Variants in EPS8 observed in about 807,000 individuals in gnomAD.
EPS8 encodes EGFR pathway substrate 8, signaling adaptor.
In EPS8, 42 loss-of-function variants were observed where a neutral mutation model predicts 103.8. The ratio of observed to expected loss-of-function variants is 0.40; its 90% CI spans 0.32 to 0.52. The LOEUF is 0.52. Ranked by LOEUF, EPS8 falls within the 20% of genes least tolerant of loss-of-function variation. The probability of loss-of-function intolerance (pLI) is 0.40; values close to 1 mark genes in which losing one functional copy is unlikely to be tolerated. For synonymous variants in EPS8, 344 were observed against 344.6 expected (o/e 1.00, Z 0.02); for missense variants, 969 against 1,005.1 (o/e 0.96, Z 0.49).
chr12:15,742,092 T>C (rs1370641820), intron 1 of EPS8, among the ~76,000 whole-genome samples: 1 of 152,238 alleles, frequency 6.6e-6, no homozygotes, highest in East Asian at 1.9e-4. Context: ...ATGTGCCACA[T>C]TTTCTTAATC....
chr12:15,727,865 A>T lies in EPS8; in HGVS notation c.-21-44893T>A, dbSNP rs1175768515. 6.6e-6 allele frequency among the ~76,000 whole-genome samples: 1 copy of T among 152,214 alleles called. No homozygotes were observed. Among genetic ancestry groups the T allele is most frequent in the Non-Finnish European group, 1.5e-5 (1 of 68,036 alleles). ...AGAGCGAGACTCCATCCCCAAAAAA[A>T]ATAAAATAAAATAAATAAGTCTAGT... On this transcript the variant is annotated intron_variant, in intron 1 of 20. Transcript: ENST00000281172. The surrounding 1 kb of genome is among the most constrained non-coding windows in gnomAD (Gnocchi z 4.3).
intron 1 of EPS8, among the ~76,000 whole-genome samples, chr12:15,711,253 G>C (rs1390536272): frequency 7.0e-4 from 107 of 151,802 alleles, no homozygotes; most frequent in Non-Finnish European, 5.9e-5. Context: ...AAAACTCCAA[G>C]GTTCATACCT....
chr12:15,715,301 A>G (rs1946517401), intron 1 of EPS8, among the ~76,000 whole-genome samples: 1 of 151,918 alleles, frequency 6.6e-6, no homozygotes, highest in African/African-American at 2.4e-5. Context: ...ATGGCAGCCC[A>G]ACATCCCCCT....
In EPS8 at chr12:15,784,220, G is replaced by C. The variant is rs958378585; in HGVS notation, c.-22+4941C>G. 6.6e-6 allele frequency among the ~76,000 whole-genome samples: 1 copy of C among 152,064 alleles called. No homozygotes were observed. The highest frequency in any genetic ancestry group is 1.5e-5 in the Non-Finnish European group (1 of 67,978). Reference sequence around the variant, plus strand: ...AAAATAAAAAGACAAACCAAACTGGGAGAAAATATTTGCAAAACACATATC... The same window carrying C: ...AAAATAAAAAGACAAACCAAACTGGCAGAAAATATTTGCAAAACACATATC... On this transcript the variant is annotated intron_variant, in intron 1 of 20. Transcript: ENST00000281172. The surrounding 1 kb of genome is among the most constrained non-coding windows in gnomAD (Gnocchi z 4.0).
chr12:15,748,455 G>GT lies in EPS8; in HGVS notation c.-22+40705dup, dbSNP rs200570928. Among the ~76,000 whole-genome samples, 2,296 of 151,048 alleles carry GT rather than the reference G, an allele frequency of 0.015. 77 individuals are homozygous for GT. The highest frequency in any genetic ancestry group is 0.053 in the African/African-American group (2,166 of 41,148). ...CTAAGTCTGGGTTTTTACACATCTTGTTTTTTTTTAAAGTAGGACACACAA... is the reference window on the plus strand; with the variant it reads ...CTAAGTCTGGGTTTTTACACATCTTGTTTTTTTTTTAAAGTAGGACACACAA... On this transcript the variant is annotated intron_variant, in intron 1 of 20. Coordinates refer to ENST00000281172, the MANE Select transcript of EPS8 (RefSeq NM_004447.6). The surrounding 1 kb of genome is among the most constrained non-coding windows in gnomAD (Gnocchi z 4.8).
In EPS8 at chr12:15,708,026, T is replaced by A. The variant is rs184830526; in HGVS notation, c.-21-25054A>T. ...CTGCCTATGATGATCTGTGCATTCTTACCCTGAGTAGCGTTGTTTCCTCAT... is the reference window on the plus strand; with the variant it reads ...CTGCCTATGATGATCTGTGCATTCTAACCCTGAGTAGCGTTGTTTCCTCAT... On this transcript the variant is annotated intron_variant, in intron 1 of 20. Coordinates refer to ENST00000281172, the MANE Select transcript of EPS8 (RefSeq NM_004447.6). Among the ~76,000 whole-genome samples, 13 of 152,324 alleles carry A rather than the reference T, an allele frequency of 8.5e-5. No homozygotes were observed. In the East Asian group the frequency reaches 1.4e-3, roughly 16 times the overall value.
At chr12:15,694,403 C>T (rs12425693) in intron 1 of EPS8, among the ~76,000 whole-genome samples, 42 of 152,214 alleles carry the variant, frequency 2.8e-4, no homozygotes, top group Admixed American at 1.9e-3. Flanking sequence ...AAAAACAATA[C>T]GCTAAAGCAT....
rs1270093718 is a variant in EPS8 at position 15,760,707 on chromosome 12, C to T, written c.-22+28454G>A. ...GAATGAAGGACAAAAACCATATAAT[C>T]ATATCAATTGATGCCAAAAATGCAT... On this transcript the variant is annotated intron_variant, in intron 1 of 20. Coordinates refer to ENST00000281172, the MANE Select transcript of EPS8 (RefSeq NM_004447.6). The surrounding 1 kb of genome is among the most constrained non-coding windows in gnomAD (Gnocchi z 4.5). Among the ~76,000 whole-genome samples the T allele has an allele frequency of 6.6e-6, 1 of 152,074 alleles. No homozygotes were observed. The highest frequency in any genetic ancestry group is 1.5e-5 in the Non-Finnish European group (1 of 67,950).
chr12:15,638,931 C>A (rs1437842114), intron 17 of EPS8, among the ~76,000 whole-genome samples: 2 of 152,152 alleles, frequency 1.3e-5, no homozygotes, highest in African/African-American at 4.8e-5. Flanking sequence ...CAGTAAACAG[C>A]AAAAGGTAAG....
At chr12:15,661,126 T>A (rs949488958) in intron 9 of EPS8, among the ~76,000 whole-genome samples, 1 of 152,188 alleles carries the variant, frequency 6.6e-6, no homozygotes. Flanking sequence ...ACTGACAATA[T>A]TACTTCATGG....
At position 15,782,719 on chromosome 12, in the gene EPS8, G is replaced by A. The variant is rs141952945; in HGVS notation, c.-22+6442C>T. ...ACACACGATACATAGTATCATTCGC[G>A]GTCAAGAGAAATGTAAACAAATGTA... On this transcript the variant is annotated intron_variant, in intron 1 of 20. Coordinates refer to ENST00000281172, the MANE Select transcript of EPS8 (RefSeq NM_004447.6). Among the ~76,000 whole-genome samples the A allele has an allele frequency of 7.1e-3, 1,079 of 151,962 alleles. 21 individuals carry two copies. The highest frequency in any genetic ancestry group is 4.5e-3 in the Non-Finnish European group (307 of 67,986).
intron 15 of EPS8, 54 bp downstream of exon 15, chr12:15,647,073 C>T: frequency 6.5e-7 from 1 of 1,544,074 alleles, no homozygotes; most frequent in Non-Finnish European, 8.8e-7. Context: ...TCTGTTAGCA[C>T]TAGATCAGAG....
intron 19 of EPS8, 124 bp from the exon 20 acceptor site, chr12:15,623,411 T>C: frequency 2.6e-6 from 2 of 780,794 alleles, no homozygotes; most frequent in South Asian, 2.0e-5. Flanking sequence ...GGAACCCTTA[T>C]TAAATGCCAC....
At chr12:15,732,603 G>T in intron 1 of EPS8, 1 of 207,400 alleles carries the variant, frequency 4.8e-6, no homozygotes, top group Non-Finnish European at 8.4e-6. Flanking sequence ...AAAAGCAACT[G>T]GTAAATGTTC....
chr12:15,686,450 T>C (rs1018440184), intron 1 of EPS8, among the ~76,000 whole-genome samples: 3 of 152,154 alleles, frequency 2.0e-5, no homozygotes, highest in African/African-American at 7.2e-5. Context: ...CAGCATCAAT[T>C]TCCTTATGAA....
rs1265148496 is a variant in EPS8 at position 15,776,932 on chromosome 12, A to T, written c.-22+12229T>A. Among the ~76,000 whole-genome samples, 2 of 152,206 alleles carry T rather than the reference A, an allele frequency of 1.3e-5. No individual in the cohort carries two copies. The highest frequency in any genetic ancestry group is 2.9e-5 in the Non-Finnish European group (2 of 68,032). On this transcript the variant is annotated intron_variant, in intron 1 of 20. Transcript: ENST00000281172. This position sits in a 1 kb window ranked among gnomAD's most constrained non-coding sequence, Gnocchi z 4.2. ...TTATCAATGCCTTTGAAAACCATAA[A>T]CATAACACAAAATGTATTTGCTAGC...
rs950895363 is a variant in EPS8, at chr12:15,693,400, T to C, written c.-21-10428A>G. ...CCACAGAATAAACTACTGGTTTTACTGGAGTGTGAGGAGGCATCTGGGATC... is the reference window on the plus strand; with the variant it reads ...CCACAGAATAAACTACTGGTTTTACCGGAGTGTGAGGAGGCATCTGGGATC... On this transcript the variant is annotated intron_variant, in intron 1 of 20. Coordinates refer to ENST00000281172, the MANE Select transcript of EPS8 (RefSeq NM_004447.6). The surrounding 1 kb of genome is among the most constrained non-coding windows in gnomAD (Gnocchi z 5.6). 2.6e-5 allele frequency among the ~76,000 whole-genome samples: 4 copies of C among 152,228 alleles called. No homozygotes were observed. The highest frequency in any genetic ancestry group is 4.4e-5 in the Non-Finnish European group (3 of 68,034).
In EPS8 at chr12:15,745,424, G is replaced by A. The variant is rs1055733953; in HGVS notation, c.-22+43737C>T. Among the ~76,000 whole-genome samples the A allele has an allele frequency of 1.3e-5, 2 of 152,016 alleles. No homozygotes were observed. Among genetic ancestry groups the A allele is most frequent in the African/African-American group, 4.8e-5 (2 of 41,386 alleles). On this transcript the variant is annotated intron_variant, in intron 1 of 20. Coordinates refer to ENST00000281172, the MANE Select transcript of EPS8 (RefSeq NM_004447.6). The surrounding 1 kb of genome is among the most constrained non-coding windows in gnomAD (Gnocchi z 4.6). ...ATGCCAAGCTGAACCCAAAGATGTGGGAATTCTCAACATTGCTGTAAACAG... is the reference window on the plus strand; with the variant it reads ...ATGCCAAGCTGAACCCAAAGATGTGAGAATTCTCAACATTGCTGTAAACAG...
At chr12:15,622,459 C>A (rs1231382855) in intron 20 of EPS8, among the ~76,000 whole-genome samples, 4 of 152,084 alleles carry the variant, frequency 2.6e-5, no homozygotes, top group Admixed American at 1.3e-4. Flanking sequence ...CAATTTCATG[C>A]CAAAGCCTAC....
Sources: allele counts gnomAD v4.1 joint callset (sites outside exome capture counted in the v4.1 genomes callset), GRCh38; gene constraint gnomAD v4.1.1; non-coding constraint Gnocchi (gnomAD v3.1); transcripts MANE v1.5; gene names NCBI Gene and HGNC (gene_info 2026-07-23, HGNC 2026-07-21).